ERBB4: variants seen among roughly 807,000 people sequenced by gnomAD.
ERBB4 encodes the protein erb-b2 receptor tyrosine kinase 4.
ERBB4 carries 42 observed loss-of-function variants against 158.0 expected under a neutral mutation model. The ratio of observed to expected loss-of-function variants is 0.27; its 90% CI spans 0.21 to 0.34. The LOEUF (loss-of-function observed/expected upper bound fraction) is 0.34, where lower values mean the gene tolerates loss of function less well. Among genes scored for constraint, ERBB4 ranks in the 10% least tolerant of loss-of-function variants. The pLI is 1.00. For missense variants in ERBB4, 1,333 were observed against 1,624.1 expected (o/e 0.82, Z 3.08); for synonymous variants, 583 against 558.7 (o/e 1.04, Z -0.61).
intron 3 of ERBB4, among the ~76,000 whole-genome samples, chr2:211,946,152 T>C (rs1362694516): frequency 1.3e-5 from 2 of 152,046 alleles, no homozygotes; most frequent in Non-Finnish European, 2.9e-5. Flanking sequence ...AATCTATAAA[T>C]TCTGAACAAT....
At chr2:211,455,378 T>C (rs2064354876) in intron 20 of ERBB4, among the ~76,000 whole-genome samples, 1 of 152,236 alleles carries the variant, frequency 6.6e-6, no homozygotes, top group Non-Finnish European at 1.5e-5. Flanking sequence ...TTCCATGAGT[T>C]GCCAGGGACA....
intron 20 of ERBB4, among the ~76,000 whole-genome samples, chr2:211,479,891 AAC>A (rs1016551583): frequency 1.3e-5 from 2 of 152,202 alleles, no homozygotes; most frequent in Admixed American, 1.3e-4. Flanking sequence ...TCATATAATT[AAC>A]ACTTTTTTTC....
intron 20 of ERBB4, among the ~76,000 whole-genome samples, chr2:211,546,732 T>C (rs1047340015): frequency 6.6e-6 from 1 of 152,126 alleles, no homozygotes. Flanking sequence ...CATTATACTA[T>C]ATTTTTTGTA....
chr2:211,891,924 C>T (rs1167164822), intron 3 of ERBB4, among the ~76,000 whole-genome samples: 3 of 136,774 alleles, frequency 2.2e-5, no homozygotes, highest in Admixed American at 7.3e-5. Context: ...GATAGTTTAC[C>T]AACCAAAAAG....
intron 17 of ERBB4, among the ~76,000 whole-genome samples, chr2:211,626,709 G>A (rs941633817): frequency 6.6e-6 from 1 of 152,038 alleles, no homozygotes; most frequent in Non-Finnish European, 1.5e-5. Flanking sequence ...CGGATCACGA[G>A]GTCAGGAGAT....
chr2:211,839,506 T>A (rs1010324607), intron 3 of ERBB4, among the ~76,000 whole-genome samples: 1 of 152,110 alleles, frequency 6.6e-6, no homozygotes, highest in Non-Finnish European at 1.5e-5. Context: ...TAGGTTTTTT[T>A]CTCAGGTGCA....
At chr2:212,424,886 G>A (rs905337806) in intron 1 of ERBB4, among the ~76,000 whole-genome samples, 2 of 151,930 alleles carry the variant, frequency 1.3e-5, no homozygotes, top group African/African-American at 2.4e-5. Flanking sequence ...AAAGACAATT[G>A]ATCAAATTAT....
At chr2:211,430,877 A>C (rs549629881) in intron 21 of ERBB4, 68 bp downstream of exon 21, 1 of 1,357,638 alleles carries the variant, frequency 7.4e-7, no homozygotes, top group African/African-American at 1.4e-5. Context: ...TTCTTGTATA[A>C]AATATAAGGA....
chr2:211,722,429 A>G lies in ERBB4; in HGVS notation c.847T>C (p.Tyr283His). 1.2e-6 allele frequency: 2 copies of G among 1,613,858 alleles called. No individual in the cohort carries two copies. The highest frequency in any genetic ancestry group is 1.7e-6 in the Non-Finnish European group (2 of 1,179,740). The change falls in exon 7 of 28, where the codon TAC becomes CAC. Residue 283 changes from tyrosine to histidine, a missense_variant. Physicochemically the swap from Tyr to His is moderately conservative, Grantham distance 83. Transcript: ENST00000342788. The stretch of plus-strand genomic sequence containing the variant: ...TTGACACAGAATGCTCCATATGTGT[A>G]CTTTGCATTGAAATTGTGCTCCAGT... ...FQLEHNFNAK[Y>H]TYGAFCVKKC...
chr2:212,037,445 A>G (rs1445634849), intron 2 of ERBB4, among the ~76,000 whole-genome samples: 1 of 152,236 alleles, frequency 6.6e-6, no homozygotes, highest in Admixed American at 6.5e-5. Flanking sequence ...CATCTCAAAA[A>G]CAACACTAAA....
At chr2:212,306,090 T>C (rs1056407976) in intron 1 of ERBB4, among the ~76,000 whole-genome samples, 1 of 151,468 alleles carries the variant, frequency 6.6e-6, no homozygotes, top group African/African-American at 2.4e-5. Flanking sequence ...CTGATAAACA[T>C]TCCCAGTTGA....
intron 20 of ERBB4, among the ~76,000 whole-genome samples, chr2:211,447,670 T>C (rs1030772481): frequency 1.3e-5 from 2 of 152,210 alleles, no homozygotes; most frequent in African/African-American, 4.8e-5. Flanking sequence ...AAGTTCTACA[T>C]CCACTAGGAT....
chr2:211,765,097 G>A (rs55758468), intron 4 of ERBB4, among the ~76,000 whole-genome samples: 32,532 of 151,928 alleles, frequency 0.21, 4,060 homozygotes, highest in Non-Finnish European at 0.29. Flanking sequence ...TCACTCCCTC[G>A]CCTCACAATA....
Position 211,531,800 on chromosome 2 carries a change from A to T in ERBB4, c.2487+30103T>A, listed in dbSNP as rs572503420. 4.6e-5 allele frequency among the ~76,000 whole-genome samples: 7 copies of T among 152,066 alleles called. 1 individual carries two copies. Among genetic ancestry groups the T allele is most frequent in the Admixed American group, 1.3e-4 (2 of 15,274 alleles). ...GGGTGCCATATGATCTAGTCATCCCACTCCTAGATATATATCCCCAAAAAG... is the reference window on the plus strand; with the variant it reads ...GGGTGCCATATGATCTAGTCATCCCTCTCCTAGATATATATCCCCAAAAAG... On this transcript the variant is annotated intron_variant, in intron 20 of 27. Transcript: ENST00000342788.
intron 16 of ERBB4, 105 bp downstream of exon 16, chr2:211,657,649 A>G: frequency 1.2e-6 from 1 of 866,914 alleles, no homozygotes; most frequent in Non-Finnish European, 1.9e-6. Context: ...TTGATATATT[A>G]TGAGTTACAA....
intron 1 of ERBB4, among the ~76,000 whole-genome samples, chr2:212,537,654 G>A (rs1418623055): frequency 6.6e-6 from 1 of 152,058 alleles, no homozygotes; most frequent in African/African-American, 2.4e-5. Context: ...AAGGACTCCG[G>A]CCAATAGCAA....
intron 1 of ERBB4, among the ~76,000 whole-genome samples, chr2:212,191,552 GCC>G (rs2082201662): frequency 9.7e-5 from 1 of 10,312 alleles, no homozygotes; most frequent in African/African-American, 2.8e-4. Context: ...CATGTGTTAT[GCC>G]TGTTATATAT....
chr2:211,583,008 T>C (rs1379861447), intron 19 of ERBB4, among the ~76,000 whole-genome samples: 2 of 152,098 alleles, frequency 1.3e-5, no homozygotes, highest in Non-Finnish European at 2.9e-5. Flanking sequence ...TTTTTGCATG[T>C]TTAATATATT....
intron 20 of ERBB4, among the ~76,000 whole-genome samples, chr2:211,462,928 C>T (rs1332378100): frequency 2.0e-5 from 3 of 152,116 alleles, no homozygotes; most frequent in Non-Finnish European, 2.9e-5. Flanking sequence ...AAAAGTAACA[C>T]ATCTAAGACC....
Sources: allele counts gnomAD v4.1 joint callset (sites outside exome capture counted in the v4.1 genomes callset), GRCh38; gene constraint gnomAD v4.1.1; transcripts MANE v1.5; gene names NCBI Gene and HGNC (gene_info 2026-07-23, HGNC 2026-07-21).